The following CDH6 variants were observed in gnomAD, a reference collection of about 807,000 sequenced individuals.
CDH6 encodes cadherin 6, also known as cadherin-6.
A neutral mutation model predicts 78.0 loss-of-function variants in CDH6; 31 were observed. The observed-to-expected ratio is 0.40, with a 90% CI of 0.30 to 0.54. CDH6 has a LOEUF of 0.54. Ranked by LOEUF, CDH6 falls within the 20% of genes least tolerant of loss-of-function variation. The pLI, the probability that CDH6 is intolerant of heterozygous loss-of-function variation, is 0.56. For synonymous variants in CDH6, 376 were observed against 368.8 expected (o/e 1.02, Z -0.23); for missense variants, 724 against 975.9 (o/e 0.74, Z 3.44).
At chr5:31,316,712 G>A (rs529388572) in intron 9 of CDH6, among the ~76,000 whole-genome samples, 10 of 152,264 alleles carry the variant, frequency 6.6e-5, no homozygotes, top group African/African-American at 2.4e-4. Context: ...ATCTGTGTAA[G>A]TAATACAAAT....
At position 31,302,708 on chromosome 5, in the gene CDH6, G is replaced by GA. The variant is rs61544846; in HGVS notation, c.999+425dup. On this transcript the variant is annotated intron_variant, in intron 6 of 11. Coordinates refer to ENST00000265071, the MANE Select transcript of CDH6 (RefSeq NM_004932.4). The stretch of plus-strand genomic sequence containing the variant: ...AGCCTAGGTGACAGAGTGAGACTCT[G>GA]AAAAAAAAAAAAAAAGAAGAAAGAA... Among the ~76,000 whole-genome samples, 289 of 96,768 alleles carry GA rather than the reference G, an allele frequency of 3.0e-3. 3 individuals carry two copies. Among genetic ancestry groups the GA allele is most frequent in the African/African-American group, 0.011 (251 of 23,132 alleles). 63.5% of individuals were successfully genotyped at this position (96,768 alleles called of 152,430 possible).
At chr5:31,274,676 C>T (rs895809165) in intron 2 of CDH6, among the ~76,000 whole-genome samples, 1 of 152,134 alleles carries the variant, frequency 6.6e-6, no homozygotes, top group Non-Finnish European at 1.5e-5. Context: ...AAAAATTAGA[C>T]GGGCGTGGTA....
chr5:31,259,021 C>T (rs540482847), intron 1 of CDH6, among the ~76,000 whole-genome samples: 1 of 152,302 alleles, frequency 6.6e-6, no homozygotes, highest in South Asian at 2.1e-4. Flanking sequence ...CTGCAGAAAT[C>T]AGAAGAATGT....
intron 1 of CDH6, among the ~76,000 whole-genome samples, chr5:31,215,449 A>G (rs1015587959): frequency 1.3e-5 from 2 of 152,242 alleles, no homozygotes; most frequent in East Asian, 3.8e-4. Flanking sequence ...GAGCAAATCA[A>G]TGCTTTGAAG....
intron 2 of CDH6, among the ~76,000 whole-genome samples, chr5:31,268,946 A>G (rs895932130): frequency 2.6e-5 from 4 of 152,196 alleles, no homozygotes. Flanking sequence ...GTGAACGTCA[A>G]CACAGATCCC....
At chr5:31,266,518 G>A (rs1742360022) in intron 1 of CDH6, among the ~76,000 whole-genome samples, 1 of 152,150 alleles carries the variant, frequency 6.6e-6, no homozygotes, top group South Asian at 2.1e-4. Context: ...TATAGATAAA[G>A]TTTAGGATTT....
chr5:31,226,512 T>C (rs1326380891), intron 1 of CDH6, among the ~76,000 whole-genome samples: 1 of 152,188 alleles, frequency 6.6e-6, no homozygotes, highest in Non-Finnish European at 1.5e-5. Flanking sequence ...AGTGATCATC[T>C]CTTCAAGTAA....
At chr5:31,252,418 C>T (rs1009298517) in intron 1 of CDH6, among the ~76,000 whole-genome samples, 12 of 151,690 alleles carry the variant, frequency 7.9e-5, no homozygotes, top group African/African-American at 2.9e-4. Flanking sequence ...AAAAAATAAA[C>T]AGCTTCATGA....
chr5:31,322,364 G>C, intron 11 of CDH6, among the ~76,000 whole-genome samples: 1 of 151,466 alleles, frequency 6.6e-6, no homozygotes, highest in East Asian at 1.9e-4. Flanking sequence ...TAGCGCAAAA[G>C]TTATTTTAGA....
chr5:31,290,131 A>G (rs1743118063), intron 2 of CDH6, among the ~76,000 whole-genome samples: 1 of 152,102 alleles, frequency 6.6e-6, no homozygotes, highest in African/African-American at 2.4e-5. Context: ...GTGGTGGTGG[A>G]TGCCTGTAAT....
chr5:31,259,885 G>A (rs1742165940), intron 1 of CDH6, among the ~76,000 whole-genome samples: 1 of 152,186 alleles, frequency 6.6e-6, no homozygotes, highest in Non-Finnish European at 1.5e-5. Flanking sequence ...AGCACAGGAA[G>A]GACAGTGGGG....
At chr5:31,236,635 TGG>T (rs1399427527) in intron 1 of CDH6, among the ~76,000 whole-genome samples, 2 of 152,062 alleles carry the variant, frequency 1.3e-5, no homozygotes, top group African/African-American at 4.8e-5. Context: ...GGAACATTAC[TGG>T]GGATTTAAAA....
At chr5:31,283,144 C>A (rs1742906911) in intron 2 of CDH6, among the ~76,000 whole-genome samples, 1 of 152,182 alleles carries the variant, frequency 6.6e-6, no homozygotes, top group Non-Finnish European at 1.5e-5. Context: ...TGGGAAGACG[C>A]TACTGGCACC....
At chr5:31,256,165 A>G (rs1200116095) in intron 1 of CDH6, among the ~76,000 whole-genome samples, 1 of 152,224 alleles carries the variant, frequency 6.6e-6, no homozygotes, top group African/African-American at 2.4e-5. Context: ...TAAATTATTC[A>G]TACATTTTTT....
intron 1 of CDH6, among the ~76,000 whole-genome samples, chr5:31,252,056 T>C (rs1405253256): frequency 6.6e-6 from 1 of 152,232 alleles, no homozygotes; most frequent in Non-Finnish European, 1.5e-5. Flanking sequence ...TAATGCTGAT[T>C]CTTTGCATCT....
At chr5:31,216,159 G>T (rs529383797) in intron 1 of CDH6, among the ~76,000 whole-genome samples, 15 of 151,370 alleles carry the variant, frequency 9.9e-5, no homozygotes, top group Admixed American at 2.6e-4. Flanking sequence ...GAAAACTTAG[G>T]GTCTGTTCTA....
intron 1 of CDH6, among the ~76,000 whole-genome samples, chr5:31,263,177 C>T (rs1742253697): frequency 6.6e-6 from 1 of 151,756 alleles, no homozygotes; most frequent in African/African-American, 2.4e-5. Flanking sequence ...CTGGTGAGGA[C>T]CTTCTTACTG....
intron 1 of CDH6, among the ~76,000 whole-genome samples, chr5:31,235,236 C>CTTTTTTTTTTTTTTTTT (rs543675071): frequency 7.2e-5 from 8 of 110,642 alleles, no homozygotes; most frequent in Non-Finnish European, 1.1e-4. Flanking sequence ...ATTCCTTTTT[C>CTTTTTTTTTTTTTTTTT]TTTTTTTTTT....
chr5:31,278,369 C>T (rs1742759486), intron 2 of CDH6, among the ~76,000 whole-genome samples: 1 of 152,028 alleles, frequency 6.6e-6, no homozygotes, highest in African/African-American at 2.4e-5. Context: ...GAACTAAAGA[C>T]AACATGGTGG....
Sources: gnomAD v4.1 joint callset for allele counts (sites outside exome capture counted in the v4.1 genomes callset) on GRCh38, gnomAD v4.1.1 for gene constraint, MANE v1.5 for transcripts, NCBI Gene and HGNC (gene_info 2026-07-23, HGNC 2026-07-21) for gene names.